Variants in SYNE1 observed in about 807,000 individuals in gnomAD.
SYNE1 encodes spectrin repeat containing nuclear envelope protein 1.
A neutral mutation model predicts 1,111.0 loss-of-function variants in SYNE1; 616 were observed. The ratio of observed to expected loss-of-function variants is 0.55; its 90% confidence interval spans 0.52 to 0.59. The LOEUF (loss-of-function observed/expected upper bound fraction) is 0.59, where lower values mean the gene tolerates loss of function less well. SYNE1 is among the 20% of genes least tolerant of loss of function. SYNE1 has a pLI of 0.00. For synonymous variants in SYNE1, 3,855 were observed against 3,825.8 expected (o/e 1.01, Z -0.28); for missense variants, 10,006 against 10,417.0 (o/e 0.96, Z 1.72).
chr6:152,405,538 G>A (rs1383713851), intron 45 of SYNE1, among the ~76,000 whole-genome samples: 1 of 152,192 alleles, frequency 6.6e-6, no homozygotes, highest in Admixed American at 6.5e-5. Flanking sequence ...TATGTTTTTA[G>A]TTGTCATTAC....
At chr6:152,158,911 C>A (rs1411638771) in intron 131 of SYNE1, among the ~76,000 whole-genome samples, 1 of 152,160 alleles carries the variant, frequency 6.6e-6, no homozygotes, top group African/African-American at 2.4e-5. Context: ...GATTTATAAT[C>A]ATACATAAGT....
In SYNE1 at chr6:152,455,929, G is replaced by A. The variant is rs373633207; in HGVS notation, c.2684C>T (p.Thr895Met). 22 of 1,613,910 alleles carry A rather than the reference G, an allele frequency of 1.4e-5. No individual in the cohort carries two copies. Among genetic ancestry groups the A allele is most frequent in the East Asian group, 6.7e-5 (3 of 44,874 alleles). The change falls in exon 23 of 146, where the codon ACG becomes ATG. Residue 895 changes from threonine to methionine, a missense_variant. This residue lies in a region of SYNE1 where 1,971 missense variants were observed against 2,084.1 expected (regional missense o/e 0.95). Coordinates refer to ENST00000367255, the MANE Select transcript of SYNE1 (RefSeq NM_182961.4). ...LSNVLKHFDQ[T>M]RLQRQIADIH... is the part of the protein sequence containing the mutation. ...ATCTGCAATCTGTCTTTGTAGCCTC[G>A]TCTGATCAAAATGCTTTAACACGTT...
At position 152,152,100 on chromosome 6, in the gene SYNE1, T is replaced by C; in HGVS notation, c.24171A>G (p.Glu8057=). ...GGCGGCGGTACTGCTTGTTGATCAG[T>C]TCCAGCTGCGTCAGGCACTCGTGGA... ...RQVHECLTQL[E]LINKQYRRLA... The change falls in exon 134 of 146, where the codon GAA becomes GAG. Residue 8057 remains glutamate, a synonymous_variant. Transcript: ENST00000367255. 6.2e-7 allele frequency: 1 copy of C among 1,614,132 alleles called. No individual in the cohort carries two copies. Among genetic ancestry groups the C allele is most frequent in the Non-Finnish European group, 8.5e-7 (1 of 1,180,014 alleles).
chr6:152,558,249 A>G (rs1391364587), intron 3 of SYNE1, among the ~76,000 whole-genome samples: 11 of 152,212 alleles, frequency 7.2e-5, no homozygotes. Context: ...AAAAATCATC[A>G]GATCACAAGA....
chr6:152,230,126 G>A (rs763690643), intron 115 of SYNE1, among the ~76,000 whole-genome samples: 24 of 151,862 alleles, frequency 1.6e-4, no homozygotes, highest in Admixed American at 9.8e-4. Flanking sequence ...TCGATCTCCT[G>A]AATTCAAGCA....
intron 3 of SYNE1, among the ~76,000 whole-genome samples, chr6:152,627,290 A>G (rs1027225229): frequency 1.3e-5 from 2 of 152,216 alleles, no homozygotes; most frequent in Admixed American, 6.5e-5. Flanking sequence ...AATGTAAAGA[A>G]AATTGACAAT....
intron 115 of SYNE1, among the ~76,000 whole-genome samples, chr6:152,227,306 A>G (rs895593429): frequency 6.6e-6 from 1 of 152,180 alleles, no homozygotes; most frequent in African/African-American, 2.4e-5. Flanking sequence ...AAGTAGCTAA[A>G]TGCAAGATAT....
Position 152,395,678 on chromosome 6 carries a change from G to A in SYNE1, c.7557-7C>T. The stretch of plus-strand genomic sequence containing the variant: ...TCTGTGCTGATCTTCAAAGCTAAGG[G>A]AAAGAAAATGCCTTAGAGAAATTCT... On this transcript the variant is annotated splice_region_variant and splice_polypyrimidine_tract_variant and intron_variant, in intron 50 of 145. Coordinates refer to ENST00000367255, the MANE Select transcript of SYNE1 (RefSeq NM_182961.4). 1 of 1,613,866 alleles carries A rather than the reference G, an allele frequency of 6.2e-7. No homozygotes were observed. The highest frequency in any genetic ancestry group is 8.5e-7 in the Non-Finnish European group (1 of 1,179,854).
chr6:152,307,070 A>T (rs1446630684), intron 91 of SYNE1, among the ~76,000 whole-genome samples: 1 of 152,168 alleles, frequency 6.6e-6, no homozygotes, highest in African/African-American at 2.4e-5. Context: ...AGATGGGATT[A>T]AAAATCGTTT....
intron 48 of SYNE1, 85 bp from the exon 49 acceptor site, chr6:152,398,816 G>T: frequency 9.9e-7 from 1 of 1,015,086 alleles, no homozygotes; most frequent in Non-Finnish European, 1.5e-6. Context: ...ATTACCACAT[G>T]AATTATTTCT....
intron 4 of SYNE1, among the ~76,000 whole-genome samples, chr6:152,527,659 A>T (rs749719457): frequency 1.2e-4 from 19 of 152,218 alleles, no homozygotes; most frequent in Non-Finnish European, 2.2e-4. Context: ...AACAATGAGG[A>T]ACAAGTTCAT....
At chr6:152,235,463 G>A (rs1416141686) in intron 110 of SYNE1, among the ~76,000 whole-genome samples, 1 of 152,144 alleles carries the variant, frequency 6.6e-6, no homozygotes, top group Non-Finnish European at 1.5e-5. Context: ...CCGGGTTCAA[G>A]CGATTCTCCT....
chr6:152,534,862 T>G lies in SYNE1; in HGVS notation c.129+5098A>C, dbSNP rs564893256. Among the ~76,000 whole-genome samples, 3 of 152,352 alleles carry G rather than the reference T, an allele frequency of 2.0e-5. No homozygotes were observed. In the East Asian group the frequency reaches 5.8e-4, roughly 29 times the overall value. On this transcript the variant is annotated intron_variant, in intron 4 of 145. Transcript: ENST00000367255. The stretch of plus-strand genomic sequence containing the variant: ...ATAAAGATGTCATTTAAATTCATGA[T>G]TAGCATGGATTTGTTTTTAGAAAAA...
At chr6:152,425,332 A>G (rs747201635) in intron 39 of SYNE1, 49 bp downstream of exon 39, 2 of 1,586,852 alleles carry the variant, frequency 1.3e-6, no homozygotes, top group Non-Finnish European at 1.7e-6. Flanking sequence ...TATGCTCATC[A>G]TTTAAAAACA....
chr6:152,232,105 A>C lies in SYNE1; in HGVS notation c.20862+11T>G. On this transcript the variant is annotated intron_variant, in intron 113 of 145. Coordinates refer to ENST00000367255, the MANE Select transcript of SYNE1 (RefSeq NM_182961.4). Reference sequence around the variant, plus strand: ...AAATATGAAAAGTTAAAAACAAAAAATTTTAATTACCTTATATTTCTGAAG... The same window carrying C: ...AAATATGAAAAGTTAAAAACAAAAACTTTTAATTACCTTATATTTCTGAAG... 1 of 1,558,264 alleles carries C rather than the reference A, an allele frequency of 6.4e-7. No homozygotes were observed. Among genetic ancestry groups the C allele is most frequent in the Non-Finnish European group, 8.8e-7 (1 of 1,133,010 alleles).
At chr6:152,151,868 C>T (rs2060479666) in intron 134 of SYNE1, 91 bp downstream of exon 134, 1 of 1,537,344 alleles carries the variant, frequency 6.5e-7, no homozygotes, top group South Asian at 1.2e-5. Context: ...CCCATTCTTA[C>T]AAAATCACTG....
chr6:152,239,472 T>G (rs1192330637), intron 108 of SYNE1, 61 bp downstream of exon 108: 1 of 1,602,700 alleles, frequency 6.2e-7, no homozygotes, highest in East Asian at 2.2e-5. Context: ...CATCTTGCAT[T>G]AAAGGTCTAT....
At chr6:152,443,838 C>T (rs548987931) in intron 30 of SYNE1, among the ~76,000 whole-genome samples, 1 of 152,226 alleles carries the variant, frequency 6.6e-6, no homozygotes, top group South Asian at 2.1e-4. Context: ...TTGTAATGTG[C>T]ACTACCAGAC....
intron 33 of SYNE1, chr6:152,435,560 A>T (rs1308164357): frequency 4.3e-6 from 1 of 232,162 alleles, no homozygotes; most frequent in Non-Finnish European, 8.3e-6. Context: ...CCTGGAATCT[A>T]CACTAACAAA....
Sources: gnomAD v4.1 joint callset for allele counts (sites outside exome capture counted in the v4.1 genomes callset) on GRCh38, gnomAD v4.1.1 for gene constraint, gnomAD v4.1.1 regional missense constraint, MANE v1.5 for transcripts, NCBI Gene and HGNC (gene_info 2026-07-23, HGNC 2026-07-21) for gene names.